JAK1: variants seen among roughly 807,000 people sequenced by gnomAD.
JAK1 encodes the protein tyrosine-protein kinase JAK1.
JAK1 carries 16 observed loss-of-function variants against 136.6 expected under a neutral mutation model. That is an observed-to-expected ratio of 0.12 (90% confidence interval 0.08 to 0.18). JAK1 has a LOEUF of 0.18. Among genes scored for constraint, JAK1 ranks in the 10% least tolerant of loss-of-function variants. The pLI is 1.00. For synonymous variants in JAK1, 492 were observed against 519.5 expected, an observed-to-expected ratio of 0.95 and a Z score of 0.72; for missense variants, 859 against 1,450.1, an observed-to-expected ratio of 0.59 and a Z score of 6.62.
At chr1:64,866,305 C>T (rs1656704806) in intron 7 of JAK1, among the ~76,000 whole-genome samples, 1 of 152,240 alleles carries the variant, frequency 6.6e-6, no homozygotes, top group Non-Finnish European at 1.5e-5. Context: ...CGACGTGGGT[C>T]TAAAACCCAT....
At chr1:64,840,118 C>A (rs919257117) in intron 19 of JAK1, among the ~76,000 whole-genome samples, 1 of 152,202 alleles carries the variant, frequency 6.6e-6, no homozygotes, top group Admixed American at 6.5e-5. Context: ...CTCTAAAAGC[C>A]CTGGGCTCAC....
chr1:65,053,158 C>A (rs1347457587), intron 1 of JAK1, among the ~76,000 whole-genome samples: 1 of 150,720 alleles, frequency 6.6e-6, no homozygotes, highest in Admixed American at 6.6e-5. Flanking sequence ...CCAGTCTGGT[C>A]AACATGGCGA....
rs2100990414 is a variant in JAK1, at chr1:64,844,189, C to A, written c.2278G>T (p.Ala760Ser). ...TTGGAGTCCTCAACACACTCAGGAG[C>A]AATCCATGGGATTCGTTCAATGCAT... ...QECIERIPWI[A>S]PECVEDSKNL... The change falls in exon 17 of 25, where the codon GCT (alanine) becomes TCT (serine). Residue 760 changes from alanine to serine, a missense_variant. Ala to Ser is a moderately conservative substitution (Grantham distance 99). Transcript: ENST00000342505. This position sits in a 1 kb window ranked among gnomAD's most constrained non-coding sequence, Gnocchi z 5.7. 1 of 1,614,246 alleles carries A rather than the reference C, an allele frequency of 6.2e-7. No homozygotes were observed. Among genetic ancestry groups the A allele is most frequent in the African/African-American group, 1.3e-5 (1 of 75,064 alleles).
Position 64,951,690 on chromosome 1 carries a change from G to A in JAK1, c.-78+14643C>T, listed in dbSNP as rs534183053. On this transcript the variant is annotated intron_variant, in intron 1 of 24. Transcript: ENST00000342505. Reference sequence around the variant, plus strand: ...TTTTTTTTTTTTGAGACGGAGTCTCGCTCTGTCGCCCAGGCTGGAGTGCAG... The same window carrying A: ...TTTTTTTTTTTTGAGACGGAGTCTCACTCTGTCGCCCAGGCTGGAGTGCAG... 6.9e-5 allele frequency among the ~76,000 whole-genome samples: 8 copies of A among 115,144 alleles called. No individual in the cohort carries two copies. In the South Asian group the frequency reaches 2.0e-3, roughly 29 times the overall value. 75.5% of individuals were successfully genotyped at this position (115,144 alleles called of 152,430 possible).
At chr1:64,921,174 A>G (rs1247397653) in intron 1 of JAK1, among the ~76,000 whole-genome samples, 2 of 152,144 alleles carry the variant, frequency 1.3e-5, no homozygotes, top group African/African-American at 2.4e-5. Flanking sequence ...TTCATCTTCT[A>G]TGCCAGTAAT....
intron 1 of JAK1, among the ~76,000 whole-genome samples, chr1:64,965,885 CGAA>C (rs1409796743): frequency 2.0e-5 from 3 of 152,078 alleles, no homozygotes. Flanking sequence ...TTCCTGGGGC[CGAA>C]GAAGAAAACC....
At chr1:65,021,036 G>C (rs1437436124) in intron 2 of JAK1, among the ~76,000 whole-genome samples, 1 of 152,146 alleles carries the variant, frequency 6.6e-6, no homozygotes, top group Non-Finnish European at 1.5e-5. Context: ...CCCTGATTTT[G>C]CTCCTCTCCC....
intron 6 of JAK1, among the ~76,000 whole-genome samples, chr1:64,868,617 G>A (rs1276384981): frequency 6.6e-6 from 1 of 152,140 alleles, no homozygotes; most frequent in African/African-American, 2.4e-5. Context: ...TCAAGCGCAA[G>A]GAGAAACAAG....
chr1:64,908,498 A>G (rs1402801940), intron 1 of JAK1, among the ~76,000 whole-genome samples: 2 of 152,120 alleles, frequency 1.3e-5, no homozygotes, highest in African/African-American at 4.8e-5. Context: ...AAAAATATAT[A>G]TATTAATTAT....
At chr1:64,958,543 C>T (rs1646230932) in intron 1 of JAK1, among the ~76,000 whole-genome samples, 1 of 152,152 alleles carries the variant, frequency 6.6e-6, no homozygotes, top group South Asian at 2.1e-4. Context: ...TGGCAAAAAG[C>T]CATTGTACTT....
intron 4 of JAK1, 136 bp downstream of exon 4, chr1:64,878,889 C>T (rs1165182976): frequency 2.6e-6 from 2 of 765,774 alleles, no homozygotes; most frequent in Middle Eastern, 3.9e-4. Context: ...TCCTTTCTCA[C>T]ATCAAGCAAA....
chr1:65,033,725 C>CAAA (rs10700479), intron 2 of JAK1, among the ~76,000 whole-genome samples: 10,584 of 88,986 alleles, frequency 0.12, 524 homozygotes, highest in Middle Eastern at 0.17. Context: ...CCCGTAGTAC[C>CAAA]AAAAAAAAAA....
intron 1 of JAK1, among the ~76,000 whole-genome samples, chr1:64,926,493 G>A (rs1041195874): frequency 1.3e-5 from 2 of 151,444 alleles, no homozygotes; most frequent in Admixed American, 6.6e-5. Context: ...TTACATTAAC[G>A]ATTATCAGTA....
chr1:65,035,338 T>C lies in JAK1; in HGVS notation c.-78+9142A>G, dbSNP rs115980915. Among the ~76,000 whole-genome samples, 332 of 152,306 alleles carry C rather than the reference T, an allele frequency of 2.2e-3. 3 individuals are homozygous for C. Among genetic ancestry groups the C allele is most frequent in the African/African-American group, 7.7e-3 (319 of 41,560 alleles). On this transcript the variant is annotated intron_variant, in intron 2 of 25. Coordinates refer to the JAK1 transcript ENST00000671954. ...GAGTTCTAGTCAGAGAATTCTTCTCTTCCTTCTCATAATCTGATATAGAAT... is the reference window on the plus strand; with the variant it reads ...GAGTTCTAGTCAGAGAATTCTTCTCCTCCTTCTCATAATCTGATATAGAAT...
intron 2 of JAK1, among the ~76,000 whole-genome samples, chr1:64,994,597 G>A (rs780596109): frequency 2.8e-4 from 42 of 152,168 alleles, no homozygotes; most frequent in Non-Finnish European, 5.4e-4. Flanking sequence ...TCTTGAGGGC[G>A]GAGCTCTCTT....
In JAK1 at chr1:64,844,121, C is replaced by T. The variant is rs537477751; in HGVS notation, c.2346G>A (p.Thr782=). The T allele has an allele frequency of 8.1e-6, 13 of 1,614,208 alleles. No homozygotes were observed. The highest frequency in any genetic ancestry group is 1.1e-5 in the South Asian group (1 of 91,080). ...CGCCATTGTAGCAGATTTCCCAGAG[C>T]GTGGTTCCAAAGCTCCACTTGTCAG... ...VAADKWSFGT[T]LWEICYNGEI... The change falls in exon 17 of 25, where the codon ACG becomes ACA. Residue 782 remains threonine (T), a synonymous_variant. Coordinates refer to ENST00000342505, the MANE Select transcript of JAK1 (RefSeq NM_002227.4). The surrounding 1 kb of genome is among the most constrained non-coding windows in gnomAD (Gnocchi z 5.7).
At chr1:64,891,341 A>C (rs1270446991) in intron 1 of JAK1, among the ~76,000 whole-genome samples, 1 of 152,164 alleles carries the variant, frequency 6.6e-6, no homozygotes, top group African/African-American at 2.4e-5. Context: ...CCCATCAGCA[A>C]CACCACTGTC....
intron 1 of JAK1, among the ~76,000 whole-genome samples, chr1:64,937,689 A>C (rs1183165603): frequency 6.6e-6 from 1 of 152,202 alleles, no homozygotes; most frequent in Admixed American, 6.5e-5. Flanking sequence ...AAAACCTGGA[A>C]AATGTTGACC....
At chr1:64,969,196 A>C (rs1374397786), upstream of JAK1, among the ~76,000 whole-genome samples, 3 of 151,704 alleles carry the variant, frequency 2.0e-5, no homozygotes, top group Admixed American at 2.0e-4. Context: ...AAAATAAAAT[A>C]GTGGGTTTTT....
Sources: allele counts gnomAD v4.1 joint callset (sites outside exome capture counted in the v4.1 genomes callset), GRCh38; gene constraint gnomAD v4.1.1; non-coding constraint Gnocchi (gnomAD v3.1); transcripts MANE v1.5; gene names NCBI Gene and HGNC (gene_info 2026-07-23, HGNC 2026-07-21).